Variants in MARK4 observed in about 807,000 individuals in gnomAD.
MARK4 encodes MAP/microtubule affinity-regulating kinase 4.
A neutral mutation model predicts 81.5 loss-of-function variants in MARK4; 19 were observed. The observed-to-expected ratio is 0.23, with a 90% CI of 0.16 to 0.34. The LOEUF (loss-of-function observed/expected upper bound fraction) is 0.34. MARK4 is among the 10% of genes least tolerant of loss of function. MARK4 has a pLI of 1.00. For missense variants in MARK4, 772 were observed against 1,058.8 expected (o/e 0.73, Z 3.76); for synonymous variants, 436 against 439.0 (o/e 0.99, Z 0.08).
At chr19:45,252,967 T>C (rs1970263274) in intron 1 of MARK4, among the ~76,000 whole-genome samples, 2 of 151,696 alleles carry the variant, frequency 1.3e-5, no homozygotes, top group South Asian at 4.2e-4. Context: ...CCCCATGGCT[T>C]TGTCACTTTC....
At chr19:45,281,078 A>T (rs1432659553) in intron 12 of MARK4, among the ~76,000 whole-genome samples, 1 of 150,846 alleles carries the variant, frequency 6.6e-6, no homozygotes, top group East Asian at 1.9e-4. Context: ...TTTGAGATGG[A>T]GTCTCACTCT....
chr19:45,254,549 T>C (rs1440178411), intron 1 of MARK4, among the ~76,000 whole-genome samples: 2 of 152,226 alleles, frequency 1.3e-5, no homozygotes, highest in Non-Finnish European at 2.9e-5. Flanking sequence ...CCCAGCACTC[T>C]GCTCCATCTG....
intron 15 of MARK4, chr19:45,298,231 C>T (rs749440143): frequency 7.3e-5 from 117 of 1,613,790 alleles, no homozygotes; most frequent in Non-Finnish European, 9.2e-5. Context: ...CAGTAAGTCC[C>T]GTCCATGCCC....
chr19:45,252,508 C>G (rs1160396308), intron 1 of MARK4, among the ~76,000 whole-genome samples: 1 of 151,952 alleles, frequency 6.6e-6, no homozygotes, highest in Non-Finnish European at 1.5e-5. Context: ...CCTCTGGACC[C>G]CCTGCTAGGC....
intron 13 of MARK4, chr19:45,287,924 C>T: frequency 1.8e-6 from 1 of 542,238 alleles, no homozygotes; most frequent in South Asian, 2.2e-5. Flanking sequence ...GGATTTAATA[C>T]AGGAAATTAA....
chr19:45,278,662 G>A (rs770803189), intron 10 of MARK4, 47 bp downstream of exon 10: 1 of 1,431,492 alleles, frequency 7.0e-7, no homozygotes, highest in Non-Finnish European at 9.8e-7. Context: ...GGAGTGCAGT[G>A]GTGCAATCTC....
rs534658207 is a variant in MARK4, at chr19:45,265,526, C to T, written c.492+616C>T. ...GGGGGCCAGGTGTGGAGTAAGAGGA[C>T]GTGCAGGTGTGAGGGTGCCCAGGTA... is the stretch of plus-strand genomic sequence containing the variant. On this transcript the variant is annotated intron_variant, in intron 6 of 16. Coordinates refer to ENST00000262891, the MANE Select transcript of MARK4 (RefSeq NM_001199867.2). Among the ~76,000 whole-genome samples the T allele has an allele frequency of 4.7e-4, 70 of 147,896 alleles. 1 individual carries two copies. Among genetic ancestry groups the T allele is most frequent in the Admixed American group, 1.7e-3 (26 of 14,904 alleles).
chr19:45,276,472 G>A (rs563858790), intron 8 of MARK4, among the ~76,000 whole-genome samples: 10 of 152,290 alleles, frequency 6.6e-5, no homozygotes, highest in Non-Finnish European at 8.8e-5. Flanking sequence ...TGGCCTTGAG[G>A]AGTGTGTCTC....
intron 8 of MARK4, among the ~76,000 whole-genome samples, chr19:45,277,691 A>G (rs1970616431): frequency 6.6e-6 from 1 of 151,784 alleles, no homozygotes; most frequent in Non-Finnish European, 1.5e-5. Flanking sequence ...TTTAAATTGC[A>G]GCGTCCATAT....
intron 7 of MARK4, among the ~76,000 whole-genome samples, chr19:45,268,793 AG>A (rs1970488345): frequency 2.0e-5 from 3 of 152,078 alleles, no homozygotes; most frequent in African/African-American, 7.2e-5. Flanking sequence ...TCTGAAAAAA[AG>A]AAAAATAATA....
intron 14 of MARK4, among the ~76,000 whole-genome samples, chr19:45,297,345 G>A (rs1045313426): frequency 2.6e-5 from 4 of 152,136 alleles, no homozygotes; most frequent in African/African-American, 4.8e-5. Flanking sequence ...TGAGGTTTCG[G>A]CAAATAGCAA....
At chr19:45,275,670 C>T (rs984907476) in intron 8 of MARK4, among the ~76,000 whole-genome samples, 3 of 152,176 alleles carry the variant, frequency 2.0e-5, no homozygotes, top group Non-Finnish European at 2.9e-5. Context: ...AGCACAGGCT[C>T]CAGAGCCAAG....
Position 45,302,691 on chromosome 19 carries a change from C to G in MARK4, c.2240C>G (p.Ser747Cys). 1 of 1,536,468 alleles carries G rather than the reference C, an allele frequency of 6.5e-7. No individual in the cohort carries two copies. Among genetic ancestry groups the G allele is most frequent in the Middle Eastern group, 1.7e-4 (1 of 5,990 alleles). The change falls in exon 17 of 17, where the codon TCC becomes TGC. Residue 747 changes from serine (S) to cysteine (C), a missense_variant. Coordinates refer to ENST00000262891, the MANE Select transcript of MARK4 (RefSeq NM_001199867.2). The surrounding 1 kb of genome is among the most constrained non-coding windows in gnomAD (Gnocchi z 4.9). ...TTCCGCACCCTCGTCACCCGCATCT[C>G]CAACGACCTCGAGCTCTGAGCCACC... ...LAFRTLVTRISNDLEL is the reference protein window; with the variant it reads ...LAFRTLVTRICNDLEL
At chr19:45,289,568 G>T (rs1265935820) in intron 13 of MARK4, among the ~76,000 whole-genome samples, 2 of 151,524 alleles carry the variant, frequency 1.3e-5, no homozygotes, top group Non-Finnish European at 1.5e-5. Flanking sequence ...TCGGGAGTTC[G>T]AGACCAGCCT....
intron 7 of MARK4, among the ~76,000 whole-genome samples, chr19:45,267,034 G>T (rs1479928305): frequency 6.6e-6 from 1 of 151,618 alleles, no homozygotes; most frequent in East Asian, 1.9e-4. Flanking sequence ...ACCTGGCCGG[G>T]AATCTGAGAA....
chr19:45,263,481 C>T, intron 4 of MARK4, 114 bp downstream of exon 4: 1 of 1,320,322 alleles, frequency 7.6e-7, no homozygotes, highest in Non-Finnish European at 1.1e-6. Context: ...GTGGCTCACT[C>T]CTGTAATCCC....
chr19:45,276,558 G>A lies in MARK4; in HGVS notation c.787-1365G>A, dbSNP rs192751465. Among the ~76,000 whole-genome samples the A allele has an allele frequency of 3.6e-3, 553 of 151,976 alleles. 4 individuals carry two copies. Among genetic ancestry groups the A allele is most frequent in the African/African-American group, 0.012 (504 of 41,456 alleles). ...GGCAGTAGGGTCTCCTTCCCCTTGA[G>A]TGAATCTCATATTTACATACCGCTC... On this transcript the variant is annotated intron_variant, in intron 8 of 16. Transcript: ENST00000262891.
chr19:45,280,316 A>G lies in MARK4; in HGVS notation c.1007-58A>G, dbSNP rs576905254. The G allele has an allele frequency of 8.2e-6, 12 of 1,471,674 alleles. No homozygotes were observed. The African/African-American group carries it at 1.7e-4, about 21-fold the overall frequency. The allele number at this position is 1,471,674 out of a possible 1,614,324, so 91.2% of individuals were successfully genotyped here. A position where few individuals can be genotyped will look rare whatever the true frequency, so the allele number is the denominator to read the frequency against. On this transcript the variant is annotated intron_variant, in intron 10 of 16. Transcript: ENST00000262891. ...CACCCTGTCTCAAAAAAAAAGAGAAATGGATGGAAGTTAAAGTTTCTGGGA... is the reference window on the plus strand; with the variant it reads ...CACCCTGTCTCAAAAAAAAAGAGAAGTGGATGGAAGTTAAAGTTTCTGGGA...
intron 8 of MARK4, among the ~76,000 whole-genome samples, chr19:45,273,754 G>A (rs755837579): frequency 2.0e-5 from 3 of 152,218 alleles, no homozygotes; most frequent in Non-Finnish European, 4.4e-5. Flanking sequence ...GGGACGCTCT[G>A]TCCTGCTCTG....
Sources: gnomAD v4.1 joint callset for allele counts (sites outside exome capture counted in the v4.1 genomes callset) on GRCh38, gnomAD v4.1.1 for gene constraint, Gnocchi (gnomAD v3.1) non-coding constraint, MANE v1.5 for transcripts, NCBI Gene and HGNC (gene_info 2026-07-23, HGNC 2026-07-21) for gene names.